Variants in WDR74 observed in about 807,000 individuals in gnomAD.
The protein encoded by WDR74 is WD repeat-containing protein 74.
Under a neutral mutation model 45.6 loss-of-function variants are expected in WDR74, and 31 were observed. The ratio of observed to expected loss-of-function variants is 0.68; its 90% CI spans 0.51 to 0.92. The LOEUF (loss-of-function observed/expected upper bound fraction) is 0.92, where lower values mean the gene tolerates loss of function less well. WDR74 is among the 40% of genes least tolerant of loss of function. WDR74 has a pLI of 0.00. For missense variants in WDR74, 455 were observed against 497.2 expected, an observed-to-expected ratio of 0.92 and a Z score of 0.81; for synonymous variants, 191 against 192.4, an observed-to-expected ratio of 0.99 and a Z score of 0.06.
At chr11:62,837,331 A>C (rs2084973443) in intron 3 of WDR74, among the ~76,000 whole-genome samples, 1 of 151,798 alleles carries the variant, frequency 6.6e-6, no homozygotes, top group South Asian at 2.1e-4. Flanking sequence ...TGTCTCTAAT[A>C]AAAATACAAA....
upstream of WDR74, chr11:62,841,791 C>T (rs1051458273): frequency 6.6e-6 from 1 of 152,204 alleles, no homozygotes; most frequent in African/African-American, 2.4e-5. Flanking sequence ...TGATCTTAGC[C>T]AAAAGGCCGA....
intron 2 of WDR74, 22 bp downstream of exon 2, chr11:62,839,300 G>T (rs1310836222): frequency 7.5e-6 from 12 of 1,610,324 alleles, no homozygotes; most frequent in Non-Finnish European, 1.0e-5. Context: ...CCCCAGCTCC[G>T]GCCCGACCAG....
upstream of WDR74, chr11:62,841,682 GCTCCTATTCCAT>G (rs1489264847): frequency 5.3e-5 from 8 of 152,104 alleles, no homozygotes; most frequent in East Asian, 1.9e-4. Flanking sequence ...GACGGAGCAA[GCTCCTATTCCAT>G]CTCCTATTTC....
chr11:62,834,390 G>GGGGCGC, intron 7 of WDR74, 37 bp downstream of exon 7: 1 of 1,584,228 alleles, frequency 6.3e-7, no homozygotes, highest in Non-Finnish European at 8.6e-7. Context: ...CCCTTCTCAA[G>GGGGCGC]CCCCACCCTC....
chr11:62,839,716 A>G (rs2085020384), upstream of WDR74: 1 of 1,028,816 alleles, frequency 9.7e-7, no homozygotes, highest in Admixed American at 2.9e-5. Flanking sequence ...GCTTTACGAA[A>G]ATGAAACCAG....
At chr11:62,833,157 A>G in intron 10 of WDR74, 26 bp from the exon 11 acceptor site, 1 of 1,609,628 alleles carries the variant, frequency 6.2e-7, no homozygotes, top group African/African-American at 1.3e-5. Flanking sequence ...AAAGCTTAGG[A>G]GTCAGGGGGG....
intron 8 of WDR74, 114 bp from the exon 9 acceptor site, chr11:62,834,051 A>G: frequency 6.7e-7 from 1 of 1,484,896 alleles, no homozygotes; most frequent in Non-Finnish European, 9.1e-7. Context: ...AAACCCTGAG[A>G]CTGGAGCTTC....
Position 62,833,834 on chromosome 11 carries a change from CA to C in WDR74, c.878del (p.Leu293Ter). 21 of 1,613,950 alleles carry C rather than the reference CA, an allele frequency of 1.3e-5. No individual in the cohort carries two copies. The highest frequency in any genetic ancestry group is 1.7e-5 in the Non-Finnish European group (20 of 1,179,864). ...GTGGATTCTGGATCCTGTGTATCCTCAAGACTCTGTCCAAGCCACAGGAGGC... is the reference window on the plus strand; with the variant it reads ...GTGGATTCTGGATCCTGTGTATCCTCAGACTCTGTCCAAGCCACAGGAGGC... ...LLASCGLDRV[L>X]RIHRIQNPRG... is the part of the protein sequence containing the mutation. On this transcript the variant is annotated frameshift_variant, in exon 9 of 11. Transcript: ENST00000278856. LOFTEE classifies it high-confidence loss of function.
intron 6 of WDR74, chr11:62,834,742 C>T (rs1439783827): frequency 1.8e-6 from 1 of 550,896 alleles, no homozygotes. Context: ...GAGAGGTCCC[C>T]TAGGTTGGAA....
At chr11:62,835,616 A>T in intron 5 of WDR74, 79 bp downstream of exon 5, 1 of 1,613,586 alleles carries the variant, frequency 6.2e-7, no homozygotes, top group South Asian at 1.1e-5. Flanking sequence ...CCCTAAGTCC[A>T]TCTAGTCTCT....
At chr11:62,833,246 G>T in intron 10 of WDR74, 115 bp from the exon 11 acceptor site, 1 of 894,270 alleles carries the variant, frequency 1.1e-6, no homozygotes, top group Non-Finnish European at 1.6e-6. Flanking sequence ...CCAGGACTTA[G>T]CGACCAGACT....
intron 6 of WDR74, 64 bp downstream of exon 6, chr11:62,835,366 TG>T: frequency 6.8e-7 from 1 of 1,470,262 alleles, no homozygotes; most frequent in Non-Finnish European, 9.5e-7. Flanking sequence ...TGTCAAACCG[TG>T]GGGGCCATTT....
intron 3 of WDR74, 54 bp from the exon 4 acceptor site, chr11:62,836,090 A>G (rs2084956120): frequency 6.6e-7 from 1 of 1,508,178 alleles, no homozygotes; most frequent in Non-Finnish European, 9.0e-7. Context: ...TCCTTGTTCT[A>G]ATCTTTCTCT....
In WDR74 at chr11:62,833,014, G is replaced by A. The variant is rs1374173904; in HGVS notation, c.1096C>T (p.Pro366Ser). 5 of 1,610,430 alleles carry A rather than the reference G, an allele frequency of 3.1e-6. No homozygotes were observed. Among genetic ancestry groups the A allele is most frequent in the Non-Finnish European group, 4.2e-6 (5 of 1,178,550 alleles). The change falls in exon 11 of 11, where the codon CCC (proline) becomes TCC (serine). Residue 366 changes from proline (P) to serine (S), a missense_variant. Pro to Ser is a moderately conservative substitution (Grantham distance 74). Transcript: ENST00000278856. ...CGTCTCGTTTGGAGAGCTCCTTGGGGCTGCTCCAAACCCGAGAGCTTCCGC... is the reference window on the plus strand; with the variant it reads ...CGTCTCGTTTGGAGAGCTCCTTGGGACTGCTCCAAACCCGAGAGCTTCCGC... ...AKRKLSGLEQ[P>S]QGALQTRRRK...
In WDR74 at chr11:62,833,677, G is replaced by A. The variant is rs1420696154; in HGVS notation, c.922-3C>T. The A allele has an allele frequency of 3.9e-6, 6 of 1,558,350 alleles. No homozygotes were observed. The highest frequency in any genetic ancestry group is 5.2e-6 in the Non-Finnish European group (6 of 1,150,756). ...TTCAATTGAGACTTGAGATAAACCT[G>A]CAAAAGATGAGGGACCTTAAGGAGC... is the stretch of plus-strand genomic sequence containing the variant. On this transcript the variant is annotated splice_polypyrimidine_tract_variant and splice_region_variant and intron_variant, in intron 9 of 10. Coordinates refer to ENST00000278856, the MANE Select transcript of WDR74 (RefSeq NM_001369450.1).
In WDR74 at chr11:62,833,857, A is replaced by C. The variant is rs1565220610; in HGVS notation, c.856T>G (p.Ser286Ala). Residue 286 changes from serine to alanine, a missense_variant, in exon 9 of 11, where the codon TCC becomes GCC. Transcript: ENST00000278856. ...CTCAAGACTCTGTCCAAGCCACAGG[A>C]GGCTAGTAGAGGCTTTGAAGGGTGG... is the stretch of plus-strand genomic sequence containing the variant. ...QCHPSKPLLA[S>A]CGLDRVLRIH... 6.2e-7 allele frequency: 1 copy of C among 1,613,934 alleles called. No individual in the cohort carries two copies. Among genetic ancestry groups the C allele is most frequent in the Admixed American group, 1.7e-5 (1 of 59,992 alleles).
chr11:62,839,797 C>G, upstream of WDR74: 1 of 603,182 alleles, frequency 1.7e-6, no homozygotes, highest in South Asian at 2.1e-5. Flanking sequence ...AGCACCTTTC[C>G]TGGACTGCGT....
Position 62,834,403 on chromosome 11 carries a change from ACCCCTT to A in WDR74, c.719+18_719+23del. On this transcript the variant is annotated intron_variant, in intron 7 of 10. Transcript: ENST00000278856. ...AGCCCTTCTCAAGCCCCACCCTCCC[ACCCCTT>A]CCCCTCTAAACACTCACTTGCCTCC... The A allele has an allele frequency of 7.9e-6, 3 of 377,702 alleles. No homozygotes were observed. The highest frequency in any genetic ancestry group is 1.4e-5 in the Non-Finnish European group (3 of 221,138). 23.4% of individuals were successfully genotyped at this position (377,702 alleles called of 1,614,324 possible).
chr11:62,841,706 A>AT (rs1555012040), upstream of WDR74: 5 of 152,240 alleles, frequency 3.3e-5, no homozygotes, highest in Non-Finnish European at 7.3e-5. Flanking sequence ...TCCTATTTCC[A>AT]AAAATCCATT....
Sources: allele counts gnomAD v4.1 joint callset (sites outside exome capture counted in the v4.1 genomes callset), GRCh38; gene constraint gnomAD v4.1.1; transcripts MANE v1.5; gene names NCBI Gene and HGNC (gene_info 2026-07-23, HGNC 2026-07-21).